Variants in ZNF429 observed in about 807,000 individuals in gnomAD.
ZNF429 encodes zinc finger protein 429.
A neutral mutation model predicts 56.8 loss-of-function variants in ZNF429; 53 were observed. The observed-to-expected ratio is 0.93, with a 90% confidence interval of 0.75 to 1.17. ZNF429 has a LOEUF of 1.17. Ranked by LOEUF, ZNF429 falls within the 50% of genes most tolerant of loss-of-function variation. The pLI is 0.00. For synonymous variants in ZNF429, 278 were observed against 264.7 expected (o/e 1.05, Z -0.49); for missense variants, 849 against 788.4 (o/e 1.08, Z -0.92).
At position 21,539,629 on chromosome 19, in the gene ZNF429, C is replaced by A. The variant is rs906418029; in HGVS notation, c.*1551C>A. Among the ~76,000 whole-genome samples the A allele has an allele frequency of 1.3e-5, 2 of 150,158 alleles. No individual in the cohort carries two copies. Among genetic ancestry groups the A allele is most frequent in the African/African-American group, 4.9e-5 (2 of 40,680 alleles). On this transcript the variant is annotated 3_prime_UTR_variant, in exon 4 of 4. Transcript: ENST00000358491. ...TATTTTTAGTAGAGATGAGATTTCA[C>A]CATTTTGTCCAGGGTGGTCTCAAAC...
intron 1 of ZNF429, among the ~76,000 whole-genome samples, chr19:21,518,398 CTGG>C (rs74971444): frequency 0.79 from 118,329 of 150,310 alleles, 46,680 homozygotes; most frequent in African/African-American, 0.92. Context: ...TGGAGAGATT[CTGG>C]TGGTGTGTTG....
At chr19:21,512,662 CAAAA>C (rs35584125) in intron 1 of ZNF429, among the ~76,000 whole-genome samples, 5 of 81,378 alleles carry the variant, frequency 6.1e-5, no homozygotes, top group South Asian at 5.0e-4. Context: ...GACTCCATCT[CAAAA>C]AAAAAAAAAA....
chr19:21,524,872 G>T (rs899928915), intron 1 of ZNF429, among the ~76,000 whole-genome samples: 1 of 152,134 alleles, frequency 6.6e-6, no homozygotes, highest in Admixed American at 6.5e-5. Flanking sequence ...AGATGTGTTT[G>T]GTTGGTACCC....
intron 1 of ZNF429, among the ~76,000 whole-genome samples, chr19:21,512,433 G>A (rs2032532913): frequency 1.3e-5 from 2 of 152,154 alleles, no homozygotes; most frequent in Admixed American, 1.3e-4. Flanking sequence ...GCTGAGGCGG[G>A]TGGATCACCT....
intron 1 of ZNF429, 186 bp downstream of exon 1, chr19:21,505,960 C>T (rs1339435928): frequency 5.5e-6 from 3 of 543,644 alleles, no homozygotes; most frequent in African/African-American, 2.0e-5. Context: ...AGCCGGGCCC[C>T]GGGCGTCCTG....
chr19:21,507,797 C>G (rs2032250802), intron 1 of ZNF429: 2 of 152,818 alleles, frequency 1.3e-5, no homozygotes. Context: ...TCCTGGTGTA[C>G]TTTTCGTTTG....
chr19:21,519,340 T>A (rs2145439173), intron 1 of ZNF429, among the ~76,000 whole-genome samples: 1 of 152,244 alleles, frequency 6.6e-6, no homozygotes, highest in South Asian at 2.1e-4. Flanking sequence ...TGATTCCTGT[T>A]TTTCATTTAA....
rs191968804 is a variant in ZNF429 at position 21,509,294 on chromosome 19, C to T, written c.3+3520C>T. ...GATTACAGGCATGAGCCACCTTGCC[C>T]GGCCTACTACATGATTTTTTAATGG... On this transcript the variant is annotated intron_variant, in intron 1 of 3. Transcript: ENST00000358491. Among the ~76,000 whole-genome samples the T allele has an allele frequency of 1.6e-4, 24 of 152,174 alleles. No homozygotes were observed. The East Asian group carries it at 1.7e-3, about 11-fold the overall frequency.
chr19:21,517,016 G>C (rs534863643), intron 1 of ZNF429, among the ~76,000 whole-genome samples: 2 of 152,146 alleles, frequency 1.3e-5, no homozygotes, highest in Admixed American at 6.5e-5. Context: ...TCCTTTTCTT[G>C]TGCCAGTTTT....
intron 1 of ZNF429, among the ~76,000 whole-genome samples, chr19:21,506,996 G>A (rs1395198193): frequency 1.3e-5 from 2 of 152,012 alleles, no homozygotes; most frequent in Non-Finnish European, 2.9e-5. Context: ...TTGAACTCCC[G>A]ACCTCGGGTG....
Position 21,536,916 on chromosome 19 carries a change from A to G in ZNF429, c.863A>G (p.Asp288Gly). ...IHSGEKPYKC[D>G]ECGKTFSISS... ...TCTGGAGAGAAGCCCTACAAATGTG[A>G]TGAATGTGGCAAAACCTTTAGCATA... The change falls in exon 4 of 4, where the codon GAT becomes GGT. Residue 288 changes from aspartate to glycine, a missense_variant. By Grantham distance (94) the Asp-to-Gly change is moderately conservative. Transcript: ENST00000358491. 1 of 1,612,380 alleles carries G rather than the reference A, an allele frequency of 6.2e-7. No homozygotes were observed. The highest frequency in any genetic ancestry group is 8.5e-7 in the Non-Finnish European group (1 of 1,179,144).
Position 21,529,390 on chromosome 19 carries a change from T to G in ZNF429, c.4-268T>G, listed in dbSNP as rs894030779. 5.6e-6 allele frequency: 3 copies of G among 536,322 alleles called. No individual in the cohort carries two copies. In the African/African-American group the frequency reaches 6.2e-5, roughly 11 times the overall value. 33.2% of individuals were successfully genotyped at this position (536,322 alleles called of 1,614,324 possible). On this transcript the variant is annotated intron_variant, in intron 1 of 3. Coordinates refer to ENST00000358491, the MANE Select transcript of ZNF429 (RefSeq NM_001001415.4). ...ATGTTTCTGTTCATGCCCTTAATTT[T>G]ATACTTTATCACTTAGAAAAATGTC...
chr19:21,536,213 T>A, intron 3 of ZNF429, 67 bp from the exon 4 acceptor site: 3 of 1,456,370 alleles, frequency 2.1e-6, no homozygotes, highest in African/African-American at 1.4e-5. Flanking sequence ...TTTAGAGGTT[T>A]TGTTTGTGAC....
rs1371498782 is a variant in ZNF429 at position 21,506,771 on chromosome 19, T to G, written c.3+997T>G. Among the ~76,000 whole-genome samples, 13 of 145,158 alleles carry G rather than the reference T, an allele frequency of 9.0e-5. 1 individual carries two copies. The highest frequency in any genetic ancestry group is 1.4e-4 in the Non-Finnish European group (9 of 66,118). ...AAGCATTTGAGTTAGTTTTTTGTTTTTTTTTTTTTTTTTTTGAGATGGAGT... is the reference window on the plus strand; with the variant it reads ...AAGCATTTGAGTTAGTTTTTTGTTTGTTTTTTTTTTTTTTTGAGATGGAGT... On this transcript the variant is annotated intron_variant, in intron 1 of 3. Coordinates refer to ENST00000358491, the MANE Select transcript of ZNF429 (RefSeq NM_001001415.4).
At chr19:21,512,236 G>A (rs867861461) in intron 1 of ZNF429, among the ~76,000 whole-genome samples, 5 of 152,250 alleles carry the variant, frequency 3.3e-5, no homozygotes, top group South Asian at 2.1e-4. Flanking sequence ...ATGGGAGTGT[G>A]GCAGTGAGGA....
At chr19:21,512,618 C>A (rs900323294) in intron 1 of ZNF429, among the ~76,000 whole-genome samples, 1 of 133,838 alleles carries the variant, frequency 7.5e-6, no homozygotes, top group African/African-American at 2.8e-5. Context: ...GACCCGAGAT[C>A]ACGCCACTGC....
At chr19:21,528,712 AG>A (rs1362081115) in intron 1 of ZNF429, among the ~76,000 whole-genome samples, 19 of 152,222 alleles carry the variant, frequency 1.2e-4, no homozygotes, top group African/African-American at 4.3e-4. Context: ...CTCAAAAAAA[AG>A]AAAAAAAAAA....
At chr19:21,519,296 T>C (rs568680963) in intron 1 of ZNF429, among the ~76,000 whole-genome samples, 1 of 152,306 alleles carries the variant, frequency 6.6e-6, no homozygotes, top group South Asian at 2.1e-4. Context: ...TCCCTCAACA[T>C]AGGGAGAAGA....
In ZNF429 at chr19:21,538,284, A is replaced by AG. The variant is rs913681705; in HGVS notation, c.*206_*207insG. Among the ~76,000 whole-genome samples, 3 of 144,750 alleles carry AG rather than the reference A, an allele frequency of 2.1e-5. No homozygotes were observed. The highest frequency in any genetic ancestry group is 7.8e-5 in the African/African-American group (3 of 38,694). 95.0% of individuals were successfully genotyped at this position (144,750 alleles called of 152,430 possible). A position where few individuals can be genotyped will look rare whatever the true frequency, so the allele number is the denominator to read the frequency against. On this transcript the variant is annotated 3_prime_UTR_variant, in exon 4 of 4. Coordinates refer to ENST00000358491, the MANE Select transcript of ZNF429 (RefSeq NM_001001415.4). ...CAGAGCCAGACTCCATCTCAAAAAA[A>AG]AAAAAAAAAAAAAAAGAAAAGAAAA... is the stretch of plus-strand genomic sequence containing the variant.
Sources: allele counts gnomAD v4.1 joint callset (sites outside exome capture counted in the v4.1 genomes callset), GRCh38; gene constraint gnomAD v4.1.1; transcripts MANE v1.5; gene names NCBI Gene and HGNC (gene_info 2026-07-23, HGNC 2026-07-21).